Variants in PCDH15 observed in about 807,000 individuals in gnomAD.
PCDH15 encodes protocadherin related 15.
PCDH15 carries 129 observed loss-of-function variants against 178.5 expected under a neutral mutation model. The ratio of observed to expected loss-of-function variants is 0.72; its 90% CI spans 0.63 to 0.84. PCDH15 has a LOEUF of 0.84. Among genes scored for constraint, PCDH15 ranks in the 40% least tolerant of loss-of-function variants. The pLI, the probability that PCDH15 is intolerant of heterozygous loss-of-function variation, is 0.00. For missense variants in PCDH15, 2,230 were observed against 2,099.9 expected, an observed-to-expected ratio of 1.06 and a Z score of -1.21; for synonymous variants, 800 against 732.0, an observed-to-expected ratio of 1.09 and a Z score of -1.50.
intron 2 of PCDH15, among the ~76,000 whole-genome samples, chr10:55,130,015 T>A (rs1838000285): frequency 6.6e-6 from 1 of 152,164 alleles, no homozygotes; most frequent in Non-Finnish European, 1.5e-5. Context: ...TTTTAAGGGT[T>A]GGCTCTAAAA....
At chr10:54,758,528 A>T (rs1423748630) in intron 1 of PCDH15, among the ~76,000 whole-genome samples, 1 of 152,166 alleles carries the variant, frequency 6.6e-6, no homozygotes, top group African/African-American at 2.4e-5. Context: ...TCATAAATCG[A>T]GCAGCCTCTA....
At chr10:54,965,080 A>T (rs1838748512) in intron 2 of PCDH15, among the ~76,000 whole-genome samples, 1 of 152,234 alleles carries the variant, frequency 6.6e-6, no homozygotes, top group South Asian at 2.1e-4. Flanking sequence ...AAGTATGTAC[A>T]TATTAATCTA....
chr10:54,796,957 T>C (rs1952084430), intron 1 of PCDH15, among the ~76,000 whole-genome samples: 1 of 152,004 alleles, frequency 6.6e-6, no homozygotes, highest in Admixed American at 6.6e-5. Context: ...TGCATTTCCA[T>C]AAGGATTCAG....
At chr10:55,302,512 C>T (rs1843312460) in intron 1 of PCDH15, among the ~76,000 whole-genome samples, 1 of 152,064 alleles carries the variant, frequency 6.6e-6, no homozygotes, top group South Asian at 2.1e-4. Flanking sequence ...CCGTATTTTG[C>T]ACCTAGAGTG....
chr10:55,561,251 A>C (rs1279794729), intron 2 of PCDH15, among the ~76,000 whole-genome samples: 1 of 151,858 alleles, frequency 6.6e-6, no homozygotes, highest in African/African-American at 2.4e-5. Flanking sequence ...ATATAAACTT[A>C]TTTTATTATA....
intron 2 of PCDH15, among the ~76,000 whole-genome samples, chr10:55,531,791 A>G (rs16907513): frequency 0.017 from 2,586 of 152,156 alleles, 75 homozygotes; most frequent in African/African-American, 0.058. Flanking sequence ...ATTTTGCAAC[A>G]TATGACATCA....
chr10:55,357,925 T>A (rs1845120676), intron 2 of PCDH15, among the ~76,000 whole-genome samples: 1 of 152,122 alleles, frequency 6.6e-6, no homozygotes, highest in South Asian at 2.1e-4. Context: ...ATATCATTTA[T>A]AAACCAACAG....
At chr10:55,166,209 T>C (rs1170508397) in intron 2 of PCDH15, among the ~76,000 whole-genome samples, 1 of 152,040 alleles carries the variant, frequency 6.6e-6, no homozygotes, top group Non-Finnish European at 1.5e-5. Flanking sequence ...TGACACACAA[T>C]GATGGATGCA....
At chr10:54,480,013 A>G (rs1293284361) in intron 3 of PCDH15, among the ~76,000 whole-genome samples, 37 of 152,180 alleles carry the variant, frequency 2.4e-4, no homozygotes, top group Non-Finnish European at 1.2e-4. Context: ...ATGACTCACT[A>G]GAGTTGAAAA....
chr10:54,124,655 C>A (rs2041837562), intron 15 of PCDH15, among the ~76,000 whole-genome samples: 1 of 152,140 alleles, frequency 6.6e-6, no homozygotes. Context: ...ATACACGTGA[C>A]ATTATAAATT....
intron 8 of PCDH15, among the ~76,000 whole-genome samples, chr10:54,291,436 T>C (rs1216076939): frequency 5.9e-5 from 9 of 151,998 alleles, no homozygotes; most frequent in African/African-American, 2.2e-4. Context: ...AGCAAACAAA[T>C]TCAAAAGCTA....
chr10:53,846,238 A>G (rs2077971583), intron 28 of PCDH15, among the ~76,000 whole-genome samples: 1 of 151,876 alleles, frequency 6.6e-6, no homozygotes, highest in African/African-American at 2.4e-5. Context: ...AAATATGTTA[A>G]TAAATTTGGA....
At position 55,149,876 on chromosome 10, in the gene PCDH15, G is replaced by A. The variant is rs147079046; in HGVS notation, c.-80+16700C>T. The stretch of plus-strand genomic sequence containing the variant: ...GTTCTCAATCTTAAATTATGGTCAA[G>A]AGAATGGTATGTACATATTGGATTA... On this transcript the variant is annotated intron_variant, in intron 2 of 5. Transcript: ENST00000458638. Among the ~76,000 whole-genome samples the A allele has an allele frequency of 3.8e-3, 573 of 152,102 alleles. 6 individuals are homozygous for A. The highest frequency in any genetic ancestry group is 0.013 in the African/African-American group (538 of 41,528).
At chr10:54,617,783 A>C (rs2093221466) in intron 2 of PCDH15, among the ~76,000 whole-genome samples, 1 of 146,134 alleles carries the variant, frequency 6.8e-6, no homozygotes, top group Admixed American at 6.8e-5. Flanking sequence ...AAAATTAGTC[A>C]GGCATAGTGG....
intron 29 of PCDH15, among the ~76,000 whole-genome samples, chr10:53,833,024 A>T (rs2077102599): frequency 6.6e-6 from 1 of 152,060 alleles, no homozygotes; most frequent in Non-Finnish European, 1.5e-5. Flanking sequence ...AAAAGAAAAT[A>T]AAAATTTAGC....
chr10:54,305,591 T>TC (rs1252373132), intron 8 of PCDH15, among the ~76,000 whole-genome samples: 2 of 152,054 alleles, frequency 1.3e-5, no homozygotes, highest in Non-Finnish European at 2.9e-5. Flanking sequence ...GTCTCTGTTT[T>TC]CAGATGTTTT....
intron 3 of PCDH15, among the ~76,000 whole-genome samples, chr10:54,883,209 T>G (rs892064302): frequency 6.6e-6 from 1 of 152,110 alleles, no homozygotes; most frequent in Non-Finnish European, 1.5e-5. Flanking sequence ...AAAACTAAAC[T>G]ATTGCCCTAA....
intron 1 of PCDH15, among the ~76,000 whole-genome samples, chr10:55,294,893 A>T (rs61851078): frequency 0.02 from 3,109 of 152,278 alleles, 49 homozygotes; most frequent in Middle Eastern, 0.041. Flanking sequence ...AAAATTCATT[A>T]TATTTTTCCG....
At chr10:54,006,040 A>G (rs11003997) in intron 20 of PCDH15, among the ~76,000 whole-genome samples, 34,778 of 151,996 alleles carry the variant, frequency 0.23, 4,272 homozygotes, top group East Asian at 0.46. Flanking sequence ...AGTATATGAG[A>G]GAGGCACTTT....
Sources: gnomAD v4.1 joint callset for allele counts (sites outside exome capture counted in the v4.1 genomes callset) on GRCh38, gnomAD v4.1.1 for gene constraint, MANE v1.5 for transcripts, NCBI Gene and HGNC (gene_info 2026-07-23, HGNC 2026-07-21) for gene names.